The following ARCN1 variants were observed in gnomAD, a reference collection of about 807,000 sequenced individuals.
The protein encoded by ARCN1 is archain 1 coat protein complex I subunit delta, also known as coatomer subunit delta.
A neutral mutation model predicts 60.4 loss-of-function variants in ARCN1; 5 were observed. That is an observed-to-expected ratio of 0.08 (90% CI 0.04 to 0.17). The LOEUF (loss-of-function observed/expected upper bound fraction) is 0.17, where lower values mean the gene tolerates loss of function less well. Ranked by LOEUF, ARCN1 falls within the 10% of genes least tolerant of loss-of-function variation. The probability of loss-of-function intolerance (pLI) is 1.00; values close to 1 mark genes in which losing one functional copy is unlikely to be tolerated. For synonymous variants in ARCN1, 224 were observed against 220.0 expected (o/e 1.02, Z -0.16); for missense variants, 464 against 626.5 (o/e 0.74, Z 2.77).
intron 1 of ARCN1, among the ~76,000 whole-genome samples, chr11:118,580,210 C>T (rs1938620447): frequency 6.6e-6 from 1 of 152,150 alleles, no homozygotes; most frequent in Admixed American, 6.5e-5. Flanking sequence ...ATAGTCCCAG[C>T]TCCTTTCAGG....
chr11:118,587,200 G>A (rs1202550857), intron 5 of ARCN1, among the ~76,000 whole-genome samples: 1 of 152,048 alleles, frequency 6.6e-6, no homozygotes, highest in African/African-American at 2.4e-5. Flanking sequence ...TTTAAAAATT[G>A]GATTATACAT....
At chr11:118,598,260 T>C (rs1472465439) in intron 9 of ARCN1, among the ~76,000 whole-genome samples, 1 of 152,176 alleles carries the variant, frequency 6.6e-6, no homozygotes, top group Non-Finnish European at 1.5e-5. Flanking sequence ...CACATGGTTT[T>C]TTTAAGGCCT....
chr11:118,601,260 C>T lies in ARCN1; in HGVS notation c.*546C>T. The T allele has an allele frequency of 1.2e-5, 4 of 332,706 alleles. No homozygotes were observed. The highest frequency in any genetic ancestry group is 1.7e-5 in the Non-Finnish European group (3 of 173,210). 20.6% of individuals were successfully genotyped at this position (332,706 alleles called of 1,614,324 possible). ...GTATTTTAGTAGAGACGGGGTTTCACCGTGTTGCCCAGGCTGGTCGCGAAC... is the reference window on the plus strand; with the variant it reads ...GTATTTTAGTAGAGACGGGGTTTCATCGTGTTGCCCAGGCTGGTCGCGAAC... On this transcript the variant is annotated 3_prime_UTR_variant, in exon 10 of 10. Coordinates refer to ENST00000264028, the MANE Select transcript of ARCN1 (RefSeq NM_001655.5).
intron 3 of ARCN1, 84 bp downstream of exon 3, chr11:118,583,442 T>C: frequency 7.1e-7 from 1 of 1,405,208 alleles, no homozygotes; most frequent in Non-Finnish European, 9.4e-7. Flanking sequence ...TTTTACTTAC[T>C]AATGTAGACT....
chr11:118,596,704 C>G (rs946738117), intron 8 of ARCN1, among the ~76,000 whole-genome samples: 2 of 152,074 alleles, frequency 1.3e-5, no homozygotes, highest in Non-Finnish European at 2.9e-5. Flanking sequence ...GCCTGTCAGC[C>G]GTGTGTAGGG....
chr11:118,587,172 A>G (rs1938798386), intron 5 of ARCN1, among the ~76,000 whole-genome samples: 1 of 152,196 alleles, frequency 6.6e-6, no homozygotes, highest in South Asian at 2.1e-4. Context: ...TGCCTCTAGC[A>G]GCAGCAGTTT....
At chr11:118,600,306 T>C (rs1297407912) in intron 9 of ARCN1, among the ~76,000 whole-genome samples, 3 of 152,206 alleles carry the variant, frequency 2.0e-5, no homozygotes, top group Non-Finnish European at 4.4e-5. Flanking sequence ...ATCATCCTGA[T>C]AGAATGTCTA....
At chr11:118,577,843 G>C (rs1172508959) in intron 1 of ARCN1, among the ~76,000 whole-genome samples, 1 of 152,108 alleles carries the variant, frequency 6.6e-6, no homozygotes, top group East Asian at 1.9e-4. Context: ...CCTATAATTA[G>C]TTTTTGAACA....
intron 9 of ARCN1, among the ~76,000 whole-genome samples, chr11:118,598,621 A>T (rs1939082563): frequency 6.6e-6 from 1 of 151,270 alleles, no homozygotes; most frequent in Non-Finnish European, 1.5e-5. Flanking sequence ...CAGCCTCCCA[A>T]GTAGCTGGAA....
intron 1 of ARCN1, among the ~76,000 whole-genome samples, chr11:118,576,299 ATT>A (rs1218323180): frequency 1.1e-4 from 16 of 144,048 alleles, no homozygotes; most frequent in Admixed American, 2.8e-4. Flanking sequence ...TTATGAGGGA[ATT>A]TTTTTTTTTT....
chr11:118,586,742 C>T (rs1286808614), intron 5 of ARCN1, among the ~76,000 whole-genome samples: 1 of 151,604 alleles, frequency 6.6e-6, no homozygotes, highest in South Asian at 2.1e-4. Context: ...GTCCCAGCTA[C>T]TCAGGAGGCT....
At chr11:118,584,692 A>G in intron 5 of ARCN1, 48 bp downstream of exon 5, 1 of 1,453,640 alleles carries the variant, frequency 6.9e-7, no homozygotes, top group Non-Finnish European at 9.2e-7. Context: ...TACAGTCCAC[A>G]TAATTTTTTA....
chr11:118,600,795 A>G lies in ARCN1; in HGVS notation c.*81A>G. On this transcript the variant is annotated 3_prime_UTR_variant, in exon 10 of 10. Transcript: ENST00000264028. ...ATGATGGCTGAAGAGTTTTTCCCAG[A>G]TTTACAAGCCACTGGAGACCCCTTT... 9.6e-7 allele frequency: 1 copy of G among 1,044,086 alleles called. No individual in the cohort carries two copies. Among genetic ancestry groups the G allele is most frequent in the Non-Finnish European group, 1.4e-6 (1 of 703,506 alleles). The allele number at this position is 1,044,086 out of a possible 1,614,324, so 64.7% of individuals were successfully genotyped here. A position where few individuals can be genotyped will look rare whatever the true frequency, so the allele number is the denominator to read the frequency against.
intron 9 of ARCN1, among the ~76,000 whole-genome samples, chr11:118,598,671 A>G (rs1555077616): frequency 3.3e-5 from 5 of 150,546 alleles, no homozygotes. Context: ...ATTTTTGTAT[A>G]TTTGGTAGAG....
Position 118,601,787 on chromosome 11 carries a change from A to C in ARCN1, c.*1073A>C. ...AAAGATAGCTGAGAAGCACCTTTCA[A>C]ATGGCACAGTCCCTCTTCAAGATGT... On this transcript the variant is annotated 3_prime_UTR_variant, in exon 10 of 10. Transcript: ENST00000264028. 1.4e-6 allele frequency: 1 copy of C among 700,642 alleles called. No homozygotes were observed. Among genetic ancestry groups the C allele is most frequent in the Non-Finnish European group, 2.6e-6 (1 of 383,358 alleles). The allele number at this position is 700,642 out of a possible 1,614,324, so 43.4% of individuals were successfully genotyped here.
At chr11:118,597,585 C>A in intron 8 of ARCN1, 122 bp from the exon 9 acceptor site, 1 of 945,048 alleles carries the variant, frequency 1.1e-6, no homozygotes, top group East Asian at 2.6e-5. Flanking sequence ...GCCTTTTTTT[C>A]CCCTGAAATT....
At chr11:118,590,318 A>C (rs1938873058) in intron 5 of ARCN1, 23 bp from the exon 6 acceptor site, 1 of 1,600,904 alleles carries the variant, frequency 6.2e-7, no homozygotes, top group Non-Finnish European at 8.5e-7. Context: ...TTTCTGAACA[A>C]ATGTATTACT....
At chr11:118,596,852 T>C (rs2135555649) in intron 8 of ARCN1, among the ~76,000 whole-genome samples, 1 of 152,314 alleles carries the variant, frequency 6.6e-6, no homozygotes, top group South Asian at 2.1e-4. Flanking sequence ...ATTTACTGGA[T>C]TGTAAATCAA....
At chr11:118,591,738 G>GTTTT (rs543309206) in intron 6 of ARCN1, among the ~76,000 whole-genome samples, 1 of 140,120 alleles carries the variant, frequency 7.1e-6, no homozygotes. Context: ...TCTTTTTTTT[G>GTTTT]TTTTTTTTTT....
Sources: gnomAD v4.1 joint callset for allele counts (sites outside exome capture counted in the v4.1 genomes callset) on GRCh38, gnomAD v4.1.1 for gene constraint, MANE v1.5 for transcripts, NCBI Gene and HGNC (gene_info 2026-07-23, HGNC 2026-07-21) for gene names.